KSR1: variants seen among roughly 807,000 people sequenced by gnomAD.
The protein encoded by KSR1 is kinase suppressor of ras.
KSR1 carries 35 observed loss-of-function variants against 92.9 expected under a neutral mutation model. The observed-to-expected ratio is 0.38, with a 90% confidence interval of 0.29 to 0.50. The LOEUF is 0.50. Ranked by LOEUF, KSR1 falls within the 20% of genes least tolerant of loss-of-function variation. KSR1 has a pLI of 0.94. For missense variants in KSR1, 972 were observed against 1,158.5 expected (o/e 0.84, Z 2.34); for synonymous variants, 467 against 472.6 (o/e 0.99, Z 0.15).
chr17:27,604,636 C>G (rs747776203), intron 12 of KSR1, 44 bp from the exon 13 acceptor site: 1 of 1,579,828 alleles, frequency 6.3e-7, no homozygotes, highest in Non-Finnish European at 8.7e-7. Flanking sequence ...GAGAGCAGAG[C>G]GGTGTTCCTC....
intron 17 of KSR1, 44 bp from the exon 18 acceptor site, chr17:27,611,450 G>A (rs1254904963): frequency 6.2e-7 from 1 of 1,612,924 alleles, no homozygotes; most frequent in Non-Finnish European, 8.5e-7. Flanking sequence ...CTTGAGCTGG[G>A]CACAGCGGCC....
At chr17:27,526,902 C>T (rs2070326537) in intron 1 of KSR1, 3 of 634,278 alleles carry the variant, frequency 4.7e-6, no homozygotes, top group South Asian at 1.9e-5. Flanking sequence ...GATCTCCTTC[C>T]CTAGGACTTG....
chr17:27,586,222 C>G (rs1006301849), intron 5 of KSR1, among the ~76,000 whole-genome samples: 3 of 152,166 alleles, frequency 2.0e-5, no homozygotes, highest in African/African-American at 7.2e-5. Context: ...CCTTTCCCAC[C>G]CCCACCTCCA....
At chr17:27,614,855 C>A (rs1440189197) in intron 18 of KSR1, among the ~76,000 whole-genome samples, 1 of 152,108 alleles carries the variant, frequency 6.6e-6, no homozygotes, top group African/African-American at 2.4e-5. Flanking sequence ...TCCAGTCTTG[C>A]CTTCCCTTTT....
chr17:27,458,666 G>A (rs2019294773), intron 1 of KSR1, among the ~76,000 whole-genome samples: 1 of 152,186 alleles, frequency 6.6e-6, no homozygotes, highest in Non-Finnish European at 1.5e-5. Flanking sequence ...TGGCAGCAGA[G>A]AACCCATCCA....
chr17:27,591,146 G>A (rs2073152550), intron 7 of KSR1, among the ~76,000 whole-genome samples: 1 of 152,176 alleles, frequency 6.6e-6, no homozygotes, highest in South Asian at 2.1e-4. Context: ...CTTGTACTAA[G>A]GCCTGGAGGA....
At chr17:27,508,634 G>A (rs1252807833) in intron 1 of KSR1, among the ~76,000 whole-genome samples, 1 of 152,106 alleles carries the variant, frequency 6.6e-6, no homozygotes, top group Non-Finnish European at 1.5e-5. Context: ...GTGCAGGAAG[G>A]GCAGGGACAA....
At chr17:27,599,513 C>T (rs909123398) in intron 10 of KSR1, among the ~76,000 whole-genome samples, 3 of 152,150 alleles carry the variant, frequency 2.0e-5, no homozygotes, top group Non-Finnish European at 4.4e-5. Context: ...GCTGAGATTG[C>T]ACCACTGCAC....
At chr17:27,569,605 G>A (rs954325693) in intron 2 of KSR1, among the ~76,000 whole-genome samples, 8 of 152,204 alleles carry the variant, frequency 5.3e-5, no homozygotes, top group Non-Finnish European at 8.8e-5. Context: ...TTGAACTGGC[G>A]GGAGGAATTA....
chr17:27,603,923 T>C, intron 12 of KSR1, 35 bp downstream of exon 12: 1 of 1,605,240 alleles, frequency 6.2e-7, no homozygotes, highest in South Asian at 1.1e-5. Context: ...CTTCGCTTCT[T>C]TGGGGAATTA....
chr17:27,622,636 T>C (rs1418694544), intron 20 of KSR1: 1 of 152,660 alleles, frequency 6.6e-6, no homozygotes, highest in Non-Finnish European at 1.5e-5. Flanking sequence ...TCCAGACAAT[T>C]TTTCTGATGA....
At chr17:27,486,901 G>A (rs2068681930) in intron 1 of KSR1, among the ~76,000 whole-genome samples, 1 of 152,214 alleles carries the variant, frequency 6.6e-6, no homozygotes, top group Non-Finnish European at 1.5e-5. Context: ...CAGACCCTCT[G>A]CGCTGCAGTG....
chr17:27,581,890 G>A (rs888707385), intron 3 of KSR1, among the ~76,000 whole-genome samples: 2 of 152,210 alleles, frequency 1.3e-5, no homozygotes, highest in Admixed American at 1.3e-4. Flanking sequence ...GAAGGCTGGT[G>A]TAGAAGGAAG....
At chr17:27,555,399 A>T (rs1294860135) in intron 2 of KSR1, among the ~76,000 whole-genome samples, 1 of 152,208 alleles carries the variant, frequency 6.6e-6, no homozygotes, top group Non-Finnish European at 1.5e-5. Context: ...GTTCTAATCC[A>T]ATACTACATG....
chr17:27,600,090 CTTT>C (rs552526373), intron 10 of KSR1, among the ~76,000 whole-genome samples: 3 of 115,296 alleles, frequency 2.6e-5, no homozygotes, highest in Admixed American at 1.0e-4. Flanking sequence ...TTACAGATAA[CTTT>C]TTTTTTTTTT....
At chr17:27,567,601 C>T (rs1411926346) in intron 2 of KSR1, among the ~76,000 whole-genome samples, 1 of 152,210 alleles carries the variant, frequency 6.6e-6, no homozygotes, top group African/African-American at 2.4e-5. Flanking sequence ...CCACAAGGCA[C>T]TCATGTGACT....
chr17:27,479,191 TATGCTCCTCCCTCCATCC>T (rs1217170851), intron 1 of KSR1, among the ~76,000 whole-genome samples: 71 of 132,266 alleles, frequency 5.4e-4, no homozygotes, highest in African/African-American at 2.0e-3. Flanking sequence ...TCCCTCCCTC[TATGCTCCTCCCTCCATCC>T]ATGCTCCTCC....
At chr17:27,591,026 T>A in intron 7 of KSR1, 132 bp downstream of exon 7, 1 of 726,520 alleles carries the variant, frequency 1.4e-6, no homozygotes, top group Non-Finnish European at 2.3e-6. Context: ...TCAGGGAGAC[T>A]AAGCAAGTTA....
intron 1 of KSR1, chr17:27,527,053 G>T: frequency 2.2e-6 from 1 of 453,344 alleles, no homozygotes; most frequent in Non-Finnish European, 4.2e-6. Flanking sequence ...GCTGAGAGTT[G>T]CATTCGTGGG....
Sources: gnomAD v4.1 joint callset for allele counts (sites outside exome capture counted in the v4.1 genomes callset) on GRCh38, gnomAD v4.1.1 for gene constraint, MANE v1.5 for transcripts, NCBI Gene and HGNC (gene_info 2026-07-23, HGNC 2026-07-21) for gene names.